Variants in OLA1 observed in about 807,000 individuals in gnomAD.
The protein encoded by OLA1 is Obg like ATPase 1, also known as obg-like ATPase 1.
A neutral mutation model predicts 48.4 loss-of-function variants in OLA1; 14 were observed. The observed-to-expected ratio is 0.29, with a 90% confidence interval of 0.19 to 0.45. The LOEUF is 0.45. Among genes scored for constraint, OLA1 ranks in the 20% least tolerant of loss-of-function variants. OLA1 has a pLI of 1.00. For missense variants in OLA1, 325 were observed against 467.1 expected (o/e 0.70, Z 2.80); for synonymous variants, 127 against 150.4 (o/e 0.84, Z 1.14).
In OLA1 at chr2:174,072,977, T is replaced by C. The variant is rs982728106; in HGVS notation, c.*2449A>G. On this transcript the variant is annotated 3_prime_UTR_variant, in exon 11 of 11. Transcript: ENST00000284719. ...TTCTTCAAGCTTTGGGCACAAGCCT[T>C]CTCAAGTTTCTCTTTCTCTTTGGAG... 6.6e-6 allele frequency: 1 copy of C among 152,270 alleles called. No homozygotes were observed. The highest frequency in any genetic ancestry group is 2.4e-5 in the African/African-American group (1 of 41,436). 9.4% of individuals were successfully genotyped at this position (152,270 alleles called of 1,614,324 possible).
chr2:174,227,124 G>C (rs1187504332), intron 3 of OLA1, among the ~76,000 whole-genome samples: 1 of 151,858 alleles, frequency 6.6e-6, no homozygotes, highest in East Asian at 1.9e-4. Context: ...GAAAAGAAAG[G>C]CCAGGCACAG....
Position 174,088,891 on chromosome 2 carries a change from A to AATAC in OLA1, c.729-6828_729-6827insGTAT, listed in dbSNP as rs1276064717. Among the ~76,000 whole-genome samples the AATAC allele has an allele frequency of 3.4e-5, 5 of 148,496 alleles. No individual in the cohort carries two copies. The East Asian group carries it at 9.7e-4, about 29-fold the overall frequency. ...ATCCTGTCTCAAAAATAAATAAATA[A>AATAC]ATAAATAAATAAATAAATAAATAAA... is the stretch of plus-strand genomic sequence containing the variant. On this transcript the variant is annotated intron_variant, in intron 7 of 10. Transcript: ENST00000284719.
intron 4 of OLA1, among the ~76,000 whole-genome samples, chr2:174,165,066 C>T (rs1185681220): frequency 6.6e-6 from 1 of 152,170 alleles, no homozygotes; most frequent in Non-Finnish European, 1.5e-5. Flanking sequence ...TGAGTCAGTG[C>T]ACTGATCATG....
intron 4 of OLA1, among the ~76,000 whole-genome samples, chr2:174,168,126 G>A (rs936340801): frequency 4.6e-5 from 7 of 152,200 alleles, no homozygotes; most frequent in Admixed American, 1.3e-4. Context: ...CACAGGGCAA[G>A]CTACAGATAA....
In OLA1 at chr2:174,123,204, T is replaced by A; in HGVS notation, c.704A>T (p.Asp235Val). The A allele has an allele frequency of 1.3e-6, 2 of 1,558,582 alleles. No individual in the cohort carries two copies. The highest frequency in any genetic ancestry group is 1.8e-6 in the Non-Finnish European group (2 of 1,134,646). The part of the protein sequence containing the change: ...MVYLVNLSEK[D>V]YIRKKNKWLI... ...CCATTTGTTTTTCTTTCTAATGTAGTCTTTTTCAGAAAGATTAACCAAGTA... is the reference window on the plus strand; with the variant it reads ...CCATTTGTTTTTCTTTCTAATGTAGACTTTTTCAGAAAGATTAACCAAGTA... Residue 235 changes from aspartate (D) to valine (V), a missense_variant, in exon 7 of 11, where the codon GAC becomes GTC. Asp to Val is a radical substitution (Grantham distance 152). Transcript: ENST00000284719.
chr2:174,243,260 C>A (rs949120443), intron 2 of OLA1, among the ~76,000 whole-genome samples: 1 of 152,166 alleles, frequency 6.6e-6, no homozygotes, highest in African/African-American at 2.4e-5. Flanking sequence ...GAAACTCCAT[C>A]TACAAACAAT....
chr2:174,094,021 A>G (rs558181612), intron 7 of OLA1, among the ~76,000 whole-genome samples: 14 of 152,380 alleles, frequency 9.2e-5, no homozygotes, highest in South Asian at 6.2e-4. Flanking sequence ...GAAGAAAGTC[A>G]AAAGAATCCC....
chr2:174,122,206 AG>A (rs2105367047), intron 7 of OLA1, among the ~76,000 whole-genome samples: 1 of 152,346 alleles, frequency 6.6e-6, no homozygotes, highest in East Asian at 1.9e-4. Context: ...AATGTCTTAT[AG>A]TAATATCAAC....
At chr2:174,092,720 A>G (rs1685157222) in intron 7 of OLA1, among the ~76,000 whole-genome samples, 2 of 151,758 alleles carry the variant, frequency 1.3e-5, no homozygotes, top group African/African-American at 4.9e-5. Flanking sequence ...CTTGTCTTCT[A>G]CCAGAGTCAA....
chr2:174,147,040 A>G (rs1220288055), intron 4 of OLA1, among the ~76,000 whole-genome samples: 1 of 152,184 alleles, frequency 6.6e-6, no homozygotes, highest in Non-Finnish European at 1.5e-5. Flanking sequence ...ACCAACTGAC[A>G]CCACACATAC....
At chr2:174,115,986 T>A (rs1461826662) in intron 7 of OLA1, among the ~76,000 whole-genome samples, 1 of 152,242 alleles carries the variant, frequency 6.6e-6, no homozygotes, top group Non-Finnish European at 1.5e-5. Flanking sequence ...GCTTAATAAT[T>A]CTTAATAATT....
chr2:174,135,363 G>A (rs1574500857), intron 5 of OLA1, among the ~76,000 whole-genome samples: 1 of 152,226 alleles, frequency 6.6e-6, no homozygotes, highest in East Asian at 1.9e-4. Context: ...CTATCCCATA[G>A]GAAATAGGTA....
At chr2:174,213,622 G>A (rs994726036) in intron 4 of OLA1, among the ~76,000 whole-genome samples, 3 of 152,128 alleles carry the variant, frequency 2.0e-5, no homozygotes, top group Non-Finnish European at 2.9e-5. Context: ...ATGAGCCCTA[G>A]AGAAAAAGTT....
At chr2:174,237,152 C>A (rs1688874255) in intron 2 of OLA1, among the ~76,000 whole-genome samples, 1 of 151,802 alleles carries the variant, frequency 6.6e-6, no homozygotes. Context: ...ATCCTTATTC[C>A]ATATGCTTTT....
At chr2:174,203,640 C>T (rs1207809048) in intron 4 of OLA1, among the ~76,000 whole-genome samples, 1 of 151,730 alleles carries the variant, frequency 6.6e-6, no homozygotes, top group East Asian at 1.9e-4. Context: ...CGGGACTTCT[C>T]CAGCTGTTTC....
intron 5 of OLA1, among the ~76,000 whole-genome samples, chr2:174,124,921 A>G (rs1686013430): frequency 6.6e-6 from 1 of 152,168 alleles, no homozygotes; most frequent in Admixed American, 6.5e-5. Flanking sequence ...CAGGCAAAGG[A>G]CTTCCCACAG....
In OLA1 at chr2:174,123,303, C is replaced by T. The variant is rs754532483; in HGVS notation, c.631-26G>A. 5 of 1,145,628 alleles carry T rather than the reference C, an allele frequency of 4.4e-6. No homozygotes were observed. In the Admixed American group the frequency reaches 1.2e-4, roughly 28 times the overall value. 71.0% of individuals were successfully genotyped at this position (1,145,628 alleles called of 1,614,324 possible). On this transcript the variant is annotated intron_variant, in intron 6 of 10. Coordinates refer to ENST00000284719, the MANE Select transcript of OLA1 (RefSeq NM_013341.5). ...CTAAAGTGGGAGATGGAGAAAGAAT[C>T]CCTTTTAAAAGTTTAGTAAATATGG...
At position 174,075,260 on chromosome 2, in the gene OLA1, G is replaced by A. The variant is rs528963586; in HGVS notation, c.*166C>T. 2 of 517,076 alleles carry A rather than the reference G, an allele frequency of 3.9e-6. No individual in the cohort carries two copies. The highest frequency in any genetic ancestry group is 6.9e-6 in the Non-Finnish European group (2 of 289,454). The allele number at this position is 517,076 out of a possible 1,614,324, so 32.0% of individuals were successfully genotyped here. A position where few individuals can be genotyped will look rare whatever the true frequency, so the allele number is the denominator to read the frequency against. ...TAGTGAACCTGCATTTCATGGGGGG[G>A]GGGGGGTACACAGTATTTTAATTTT... On this transcript the variant is annotated 3_prime_UTR_variant, in exon 11 of 11. Coordinates refer to ENST00000284719, the MANE Select transcript of OLA1 (RefSeq NM_013341.5).
chr2:174,223,968 C>T (rs1688561973), intron 3 of OLA1, among the ~76,000 whole-genome samples: 1 of 151,926 alleles, frequency 6.6e-6, no homozygotes, highest in African/African-American at 2.4e-5. Flanking sequence ...TTAAGTATAT[C>T]AATAAATAAA....
Sources: gnomAD v4.1 joint callset for allele counts (sites outside exome capture counted in the v4.1 genomes callset) on GRCh38, gnomAD v4.1.1 for gene constraint, MANE v1.5 for transcripts, NCBI Gene and HGNC (gene_info 2026-07-23, HGNC 2026-07-21) for gene names.